Variants in TOX2 observed in about 807,000 individuals in gnomAD.
TOX2 encodes TOX high mobility group box family member 2, also known as granulosa cell HMG box 1.
Under a neutral mutation model 47.4 loss-of-function variants are expected in TOX2, and 15 were observed. The observed-to-expected ratio is 0.32, with a 90% CI of 0.21 to 0.49. The LOEUF is 0.49. Among genes scored for constraint, TOX2 ranks in the 20% least tolerant of loss-of-function variants. The pLI is 0.99. For missense variants in TOX2, 622 were observed against 673.1 expected, an observed-to-expected ratio of 0.92 and a Z score of 0.84; for synonymous variants, 290 against 296.6, an observed-to-expected ratio of 0.98 and a Z score of 0.23.
intron 2 of TOX2, among the ~76,000 whole-genome samples, chr20:43,980,557 A>G (rs1422236868): frequency 6.6e-6 from 1 of 152,278 alleles, no homozygotes; most frequent in Admixed American, 6.5e-5. Flanking sequence ...TGGATAACCC[A>G]TTCTCCATGA....
chr20:43,921,645 A>G (rs999779222), intron 1 of TOX2, among the ~76,000 whole-genome samples: 16 of 151,526 alleles, frequency 1.1e-4, no homozygotes, highest in African/African-American at 3.6e-4. Flanking sequence ...CTGCCCCGCC[A>G]TGTTCTTCTT....
chr20:43,955,858 G>A (rs2069660582), intron 1 of TOX2, among the ~76,000 whole-genome samples: 1 of 152,204 alleles, frequency 6.6e-6, no homozygotes, highest in South Asian at 2.1e-4. Context: ...ATCTTAGTTA[G>A]CATCTACAAC....
At chr20:44,015,089 CTT>C (rs2070855509) in intron 3 of TOX2, among the ~76,000 whole-genome samples, 1 of 152,032 alleles carries the variant, frequency 6.6e-6, no homozygotes, top group Non-Finnish European at 1.5e-5. Flanking sequence ...AGGTGCCATG[CTT>C]TTGTCTAACG....
chr20:44,042,103 G>C (rs1469088104), intron 3 of TOX2, among the ~76,000 whole-genome samples: 1 of 152,224 alleles, frequency 6.6e-6, no homozygotes, highest in Non-Finnish European at 1.5e-5. Context: ...GTTCCACAGG[G>C]CTGGGGAGGC....
chr20:43,920,505 G>A (rs6031227), intron 1 of TOX2, among the ~76,000 whole-genome samples: 11,887 of 152,078 alleles, frequency 0.078, 1,605 homozygotes, highest in African/African-American at 0.27. Flanking sequence ...CTGGTCCCAG[G>A]GAACGCTAGA....
rs150043155 is a variant in TOX2 at position 44,016,995 on chromosome 20, A to G, written c.411+10203A>G. 5.9e-3 allele frequency among the ~76,000 whole-genome samples: 899 copies of G among 152,380 alleles called. 3 individuals carry two copies. Among genetic ancestry groups the G allele is most frequent in the Non-Finnish European group, 1.0e-2 (679 of 68,036 alleles). On this transcript the variant is annotated intron_variant, in intron 3 of 8. Transcript: ENST00000341197. ...ATTAAGGTGGGATCAGTCTGAATTC[A>G]TGGCAATATGTGGTTGTGCATTTAC...
At chr20:44,052,518 G>A (rs1338715141) in intron 4 of TOX2, among the ~76,000 whole-genome samples, 1 of 152,158 alleles carries the variant, frequency 6.6e-6, no homozygotes, top group Admixed American at 6.5e-5. Context: ...GGGGGAAGAG[G>A]GGTTTACTTC....
intron 3 of TOX2, among the ~76,000 whole-genome samples, chr20:44,019,671 GCTGGAGCCCTGAGGAAT>G (rs2070946221): frequency 6.6e-6 from 1 of 152,198 alleles, no homozygotes; most frequent in South Asian, 2.1e-4. Context: ...GGACTGGGAT[GCTGGAGCCCTGAGGAAT>G]CTCTAACTAA....
chr20:43,964,076 T>C (rs1373888511), intron 1 of TOX2, among the ~76,000 whole-genome samples: 1 of 151,500 alleles, frequency 6.6e-6, no homozygotes, highest in African/African-American at 2.4e-5. Context: ...ATGAGAAAAC[T>C]GAGACACAGT....
At position 44,066,849 on chromosome 20, in the gene TOX2, C is replaced by T. The variant is rs956855826; in HGVS notation, c.1476C>T (p.Ser492=). 6 of 1,613,636 alleles carry T rather than the reference C, an allele frequency of 3.7e-6. No individual in the cohort carries two copies. The highest frequency in any genetic ancestry group is 5.1e-6 in the Non-Finnish European group (6 of 1,179,746). ...ACCCCAGTGGGGAGTGTGGCATCAG[C>T]ACCTGCAGGTTAGTCCTCGCCCGTC... ...SSYPSGECGI[S]TCSLLPRDKS... Residue 492 remains serine (S), a synonymous_variant, in exon 8 of 9, where the codon AGC becomes AGT. Coordinates refer to ENST00000341197, the MANE Select transcript of TOX2 (RefSeq NM_001098797.2).
chr20:43,974,491 G>C (rs2070037441), intron 2 of TOX2, among the ~76,000 whole-genome samples: 1 of 152,194 alleles, frequency 6.6e-6, no homozygotes, highest in Admixed American at 6.5e-5. Flanking sequence ...ACACTGATTG[G>C]AGAGCCAAGG....
intron 2 of TOX2, among the ~76,000 whole-genome samples, chr20:43,984,588 T>C (rs2070232278): frequency 6.6e-6 from 1 of 152,188 alleles, no homozygotes; most frequent in Non-Finnish European, 1.5e-5. Context: ...GATTCCTGCC[T>C]ATGAGACGTT....
chr20:44,036,665 A>C (rs572978226), intron 3 of TOX2, among the ~76,000 whole-genome samples: 219 of 152,326 alleles, frequency 1.4e-3, no homozygotes, highest in African/African-American at 4.9e-3. Flanking sequence ...ATAAGGTTTT[A>C]TTGGAACACA....
chr20:43,935,820 A>T (rs981742905), intron 1 of TOX2, among the ~76,000 whole-genome samples: 14 of 150,218 alleles, frequency 9.3e-5, no homozygotes, highest in African/African-American at 3.4e-4. Context: ...CTAGCTACTC[A>T]GGAGGCTGAG....
chr20:44,037,935 G>A (rs907897870), intron 3 of TOX2, among the ~76,000 whole-genome samples: 18 of 152,192 alleles, frequency 1.2e-4, no homozygotes, highest in African/African-American at 4.3e-4. Context: ...GCAGGAAGAT[G>A]TGGGCAAGTT....
chr20:44,067,508 G>C (rs2071849090), intron 8 of TOX2, among the ~76,000 whole-genome samples: 2 of 152,132 alleles, frequency 1.3e-5, no homozygotes. Flanking sequence ...GGGGACCTCG[G>C]TGGGACACGG....
At chr20:43,944,103 G>A (rs917877563) in intron 1 of TOX2, among the ~76,000 whole-genome samples, 2 of 152,126 alleles carry the variant, frequency 1.3e-5, no homozygotes, top group African/African-American at 4.8e-5. Flanking sequence ...GGTGCAAAAT[G>A]CACCTCTCTT....
At chr20:43,969,144 C>T (rs1427347044) in intron 1 of TOX2, among the ~76,000 whole-genome samples, 3 of 152,354 alleles carry the variant, frequency 2.0e-5, no homozygotes, top group East Asian at 3.9e-4. Flanking sequence ...AGGTCTCTGA[C>T]ATGTGCACAC....
chr20:44,050,855 C>T (rs2071497024), intron 3 of TOX2, among the ~76,000 whole-genome samples: 2 of 152,272 alleles, frequency 1.3e-5, no homozygotes, highest in South Asian at 4.1e-4. Context: ...GGTAACTTGG[C>T]CAAAGTCACC....
Sources: gnomAD v4.1 joint callset for allele counts (sites outside exome capture counted in the v4.1 genomes callset) on GRCh38, gnomAD v4.1.1 for gene constraint, MANE v1.5 for transcripts, NCBI Gene and HGNC (gene_info 2026-07-23, HGNC 2026-07-21) for gene names.